The following FUT9 variants were observed in gnomAD, a reference collection of about 807,000 sequenced individuals.
The protein encoded by FUT9 is fucosyltransferase 9, also known as 4-galactosyl-N-acetylglucosaminide 3-alpha-L-fucosyltransferase 9.
A neutral mutation model predicts 29.7 loss-of-function variants in FUT9; 15 were observed. The ratio of observed to expected loss-of-function variants is 0.51; its 90% CI spans 0.34 to 0.78. The LOEUF (loss-of-function observed/expected upper bound fraction) is 0.78, where lower values mean the gene tolerates loss of function less well. Ranked by LOEUF, FUT9 falls within the 30% of genes least tolerant of loss-of-function variation. FUT9 has a pLI of 0.01. For synonymous variants in FUT9, 169 were observed against 153.7 expected (o/e 1.10, Z -0.74); for missense variants, 319 against 425.4 (o/e 0.75, Z 2.20).
At chr6:96,088,942 CA>C (rs1411426445) in intron 1 of FUT9, among the ~76,000 whole-genome samples, 1 of 133,630 alleles carries the variant, frequency 7.5e-6, no homozygotes, top group Non-Finnish European at 1.6e-5. Context: ...TACTTATAAA[CA>C]GCTTTGACCA....
At chr6:96,163,419 A>G (rs1407212380) in intron 2 of FUT9, among the ~76,000 whole-genome samples, 1 of 152,166 alleles carries the variant, frequency 6.6e-6, no homozygotes, top group Admixed American at 6.5e-5. Context: ...TAGGCAGACA[A>G]GATTGAAAAT....
chr6:96,139,447 T>C (rs1207761087), intron 2 of FUT9, among the ~76,000 whole-genome samples: 2 of 152,152 alleles, frequency 1.3e-5, no homozygotes, highest in Admixed American at 6.5e-5. Flanking sequence ...GTATATCTAT[T>C]ATTCTGCAGT....
intron 2 of FUT9, among the ~76,000 whole-genome samples, chr6:96,201,844 T>C (rs546702773): frequency 1.3e-5 from 2 of 151,316 alleles, no homozygotes; most frequent in South Asian, 2.1e-4. Flanking sequence ...GAATGCAGTG[T>C]CCAAAATCTT....
intron 1 of FUT9, among the ~76,000 whole-genome samples, chr6:96,105,765 T>G (rs1012236553): frequency 1.3e-5 from 2 of 152,218 alleles, no homozygotes; most frequent in African/African-American, 4.8e-5. Context: ...TCTGTTATTT[T>G]TCACAGCATG....
chr6:96,167,163 T>A (rs1213394735), intron 2 of FUT9, among the ~76,000 whole-genome samples: 2 of 152,214 alleles, frequency 1.3e-5, no homozygotes, highest in Non-Finnish European at 2.9e-5. Flanking sequence ...GCAATGTAAT[T>A]AAGAATAATT....
At chr6:96,039,071 T>C (rs1770410382) in intron 1 of FUT9, among the ~76,000 whole-genome samples, 1 of 152,152 alleles carries the variant, frequency 6.6e-6, no homozygotes, top group African/African-American at 2.4e-5. Flanking sequence ...CCTGCCCTTC[T>C]TTCTGCATTG....
intron 2 of FUT9, among the ~76,000 whole-genome samples, chr6:96,126,638 G>A (rs767648244): frequency 1.1e-4 from 17 of 152,192 alleles, no homozygotes; most frequent in Non-Finnish European, 2.2e-4. Flanking sequence ...TTAAGGCAAA[G>A]GATTCTCTGC....
At chr6:96,124,751 C>A (rs6571056) in intron 2 of FUT9, among the ~76,000 whole-genome samples, 1 of 152,068 alleles carries the variant, frequency 6.6e-6, no homozygotes, top group Non-Finnish European at 1.5e-5. Context: ...TGGCTTCTCT[C>A]ATTATACTTC....
chr6:96,126,708 C>T (rs962613470), intron 2 of FUT9, among the ~76,000 whole-genome samples: 3 of 152,188 alleles, frequency 2.0e-5, no homozygotes, highest in African/African-American at 7.2e-5. Context: ...TAAATTCAAA[C>T]TACACTTTAA....
rs1358423467 is a variant in FUT9, at chr6:96,212,618, G to T, written c.*8383G>T. The T allele has an allele frequency of 6.1e-6, 2 of 326,688 alleles. No homozygotes were observed. The highest frequency in any genetic ancestry group is 1.2e-5 in the Non-Finnish European group (2 of 172,574). 20.2% of individuals were successfully genotyped at this position (326,688 alleles called of 1,614,324 possible). On this transcript the variant is annotated 3_prime_UTR_variant, in exon 3 of 3. Transcript: ENST00000302103. ...TGGCATTGTTATAGAATCCCTAAAA[G>T]GTAAATAATGTATGAGATGAAGGTA...
At chr6:96,171,492 A>G (rs1448112214) in intron 2 of FUT9, among the ~76,000 whole-genome samples, 1 of 151,086 alleles carries the variant, frequency 6.6e-6, no homozygotes, top group Admixed American at 6.6e-5. Context: ...GAATGGTGAA[A>G]TGGGACACAA....
intron 1 of FUT9, among the ~76,000 whole-genome samples, chr6:96,045,803 A>G (rs1770552790): frequency 1.3e-5 from 2 of 152,236 alleles, no homozygotes; most frequent in South Asian, 2.1e-4. Flanking sequence ...CAGAGGAGGC[A>G]TCTCCTTTCG....
chr6:96,025,058 C>T (rs1364941163), intron 1 of FUT9, among the ~76,000 whole-genome samples: 1 of 151,832 alleles, frequency 6.6e-6, no homozygotes, highest in African/African-American at 2.4e-5. Context: ...GCAGTATGAT[C>T]CATAACCCCC....
rs1370776636 is a variant in FUT9, at chr6:96,209,158, G to A, written c.*4923G>A. The A allele has an allele frequency of 1.2e-5, 2 of 166,810 alleles. No homozygotes were observed. Among genetic ancestry groups the A allele is most frequent in the Non-Finnish European group, 2.9e-5 (2 of 67,990 alleles). 10.3% of individuals were successfully genotyped at this position (166,810 alleles called of 1,614,324 possible). A position where few individuals can be genotyped will look rare whatever the true frequency, so the allele number is the denominator to read the frequency against. On this transcript the variant is annotated 3_prime_UTR_variant, in exon 3 of 3. Coordinates refer to ENST00000302103, the MANE Select transcript of FUT9 (RefSeq NM_006581.4). ...TAACCTCTCTGGACCTTGTTTGTAA[G>A]CTTTCTTCTAGCACTATTACTCTTA...
chr6:96,180,958 A>G (rs1290475075), intron 2 of FUT9, among the ~76,000 whole-genome samples: 1 of 151,830 alleles, frequency 6.6e-6, no homozygotes, highest in Non-Finnish European at 1.5e-5. Flanking sequence ...AAAGCAGGAG[A>G]AAAGAGATCT....
At chr6:96,081,733 C>A (rs1475873849) in intron 1 of FUT9, among the ~76,000 whole-genome samples, 3 of 151,832 alleles carry the variant, frequency 2.0e-5, no homozygotes, top group Non-Finnish European at 4.4e-5. Flanking sequence ...TGTTCAAATG[C>A]AATAGATTAT....
At chr6:96,064,450 A>G (rs1385500671) in intron 1 of FUT9, among the ~76,000 whole-genome samples, 1 of 152,154 alleles carries the variant, frequency 6.6e-6, no homozygotes, top group Non-Finnish European at 1.5e-5. Context: ...TGCATAGTAA[A>G]GACAGCAAAG....
chr6:96,105,767 C>G (rs1771667739), intron 1 of FUT9, among the ~76,000 whole-genome samples: 1 of 152,038 alleles, frequency 6.6e-6, no homozygotes, highest in South Asian at 2.1e-4. Context: ...TGTTATTTTT[C>G]ACAGCATGAT....
At chr6:96,018,817 A>C (rs1770022476) in intron 1 of FUT9, among the ~76,000 whole-genome samples, 1 of 152,026 alleles carries the variant, frequency 6.6e-6, no homozygotes, top group Non-Finnish European at 1.5e-5. Flanking sequence ...AAGCTGCAGG[A>C]AGGGAGAGAT....
Sources: gnomAD v4.1 joint callset for allele counts (sites outside exome capture counted in the v4.1 genomes callset) on GRCh38, gnomAD v4.1.1 for gene constraint, MANE v1.5 for transcripts, NCBI Gene and HGNC (gene_info 2026-07-23, HGNC 2026-07-21) for gene names.